Variants in PRKN observed in about 807,000 individuals in gnomAD.
The protein encoded by PRKN is parkin RBR E3 ubiquitin protein ligase.
Under a neutral mutation model 59.5 loss-of-function variants are expected in PRKN, and 56 were observed. The observed-to-expected ratio is 0.94, with a 90% CI of 0.76 to 1.18. The LOEUF (loss-of-function observed/expected upper bound fraction) is 1.18. PRKN is among the 50% of genes most tolerant of loss of function. The pLI, the probability that PRKN is intolerant of heterozygous loss-of-function variation, is 0.00. For missense variants in PRKN, 657 were observed against 596.4 expected (o/e 1.10, Z -1.06); for synonymous variants, 250 against 222.1 (o/e 1.13, Z -1.12).
In PRKN at chr6:161,582,364, G is replaced by A. The variant is rs973376364; in HGVS notation, c.872-12948C>T. Among the ~76,000 whole-genome samples the A allele has an allele frequency of 2.0e-5, 3 of 152,046 alleles. No individual in the cohort carries two copies. The highest frequency in any genetic ancestry group is 7.2e-5 in the African/African-American group (3 of 41,400). On this transcript the variant is annotated intron_variant, in intron 7 of 11. Transcript: ENST00000366898. The surrounding 1 kb of genome is among the most constrained non-coding windows in gnomAD (Gnocchi z 4.4). ...TCTTTGAAGATCTATACATTACAAT[G>A]TTGGGCGCAGCAGATATAATCTGAA...
At chr6:162,613,794 T>C (rs995603171) in intron 1 of PRKN, among the ~76,000 whole-genome samples, 1 of 152,090 alleles carries the variant, frequency 6.6e-6, no homozygotes, top group Admixed American at 6.5e-5. Context: ...TGACCAAGCA[T>C]GAAGATTTAA....
At chr6:162,264,974 T>A (rs1780064975) in intron 2 of PRKN, among the ~76,000 whole-genome samples, 1 of 152,116 alleles carries the variant, frequency 6.6e-6, no homozygotes, top group South Asian at 2.1e-4. Flanking sequence ...CCTCCCCGTT[T>A]TAGGCCTTCC....
At chr6:162,687,952 G>A (rs1777632578) in intron 1 of PRKN, among the ~76,000 whole-genome samples, 1 of 152,150 alleles carries the variant, frequency 6.6e-6, no homozygotes, top group African/African-American at 2.4e-5. Context: ...AACATTTTGA[G>A]GATCCTGTTG....
At chr6:162,450,364 G>GCCCCTGTGATTGTAATC (rs1304858657) in intron 1 of PRKN, among the ~76,000 whole-genome samples, 15 of 134,644 alleles carry the variant, frequency 1.1e-4, no homozygotes, top group African/African-American at 4.0e-4. Flanking sequence ...GAATGTAAAC[G>GCCCCTGTGATTGTAATC]CCCCTGTGAT....
At chr6:162,229,317 C>T (rs1228560114) in intron 3 of PRKN, among the ~76,000 whole-genome samples, 1 of 152,130 alleles carries the variant, frequency 6.6e-6, no homozygotes, top group African/African-American at 2.4e-5. Context: ...CCATCATATT[C>T]AGCTTCTAAT....
At chr6:162,697,729 A>G (rs1778019199) in intron 1 of PRKN, among the ~76,000 whole-genome samples, 1 of 152,226 alleles carries the variant, frequency 6.6e-6, no homozygotes, top group Admixed American at 6.5e-5. Context: ...ACATTTATGG[A>G]AACAATTTTT....
chr6:162,051,533 A>G (rs1777644298), intron 5 of PRKN, among the ~76,000 whole-genome samples: 1 of 152,138 alleles, frequency 6.6e-6, no homozygotes, highest in Non-Finnish European at 1.5e-5. Flanking sequence ...CCTGCCTGAG[A>G]GGCGAGCAGG....
intron 6 of PRKN, among the ~76,000 whole-genome samples, chr6:161,969,775 T>C (rs1477453163): frequency 6.6e-6 from 1 of 152,224 alleles, no homozygotes; most frequent in African/African-American, 2.4e-5. Flanking sequence ...TAATCCATAT[T>C]CATTTTGCCT....
At chr6:161,737,127 G>T (rs1483474799) in intron 7 of PRKN, among the ~76,000 whole-genome samples, 6 of 152,212 alleles carry the variant, frequency 3.9e-5, no homozygotes, top group Admixed American at 3.9e-4. Context: ...GAGCATACTG[G>T]AAATGGGAGA....
At chr6:161,505,957 C>T (rs1042486327) in intron 9 of PRKN, among the ~76,000 whole-genome samples, 17 of 151,796 alleles carry the variant, frequency 1.1e-4, no homozygotes, top group Admixed American at 3.3e-4. Context: ...AGTCAGGCAG[C>T]GTGATGCCTC....
At chr6:161,921,470 T>C (rs1269415501) in intron 6 of PRKN, among the ~76,000 whole-genome samples, 2 of 152,264 alleles carry the variant, frequency 1.3e-5, no homozygotes, top group Non-Finnish European at 2.9e-5. Flanking sequence ...TCAAGTATTA[T>C]GTACTGTACT....
Position 162,217,773 on chromosome 6 carries a change from C to T in PRKN, c.413-16521G>A, listed in dbSNP as rs180848223. On this transcript the variant is annotated intron_variant, in intron 3 of 11. Coordinates refer to ENST00000366898, the MANE Select transcript of PRKN (RefSeq NM_004562.3). ...TACTGAGAAGCACAATTCCTATTAG[C>T]GCAAGGGAGACAAAAACACTATCAT... is the stretch of plus-strand genomic sequence containing the variant. Among the ~76,000 whole-genome samples the T allele has an allele frequency of 3.6e-3, 549 of 152,260 alleles. 5 individuals carry two copies. Among genetic ancestry groups the T allele is most frequent in the Admixed American group, 7.1e-3 (108 of 15,288 alleles).
Position 162,070,899 on chromosome 6 carries a change from G to T in PRKN, c.535-16725C>A, listed in dbSNP as rs75143640. On this transcript the variant is annotated intron_variant, in intron 4 of 11. Transcript: ENST00000366898. ...CCACCCCTGCTGGCCCAGGGCTTGGGCACCGCTGCCCTAGGGCACAGTAGG... is the reference window on the plus strand; with the variant it reads ...CCACCCCTGCTGGCCCAGGGCTTGGTCACCGCTGCCCTAGGGCACAGTAGG... 8.0e-3 allele frequency among the ~76,000 whole-genome samples: 1,224 copies of T among 152,062 alleles called. 13 individuals carry two copies. The highest frequency in any genetic ancestry group is 0.028 in the African/African-American group (1,155 of 41,514).
intron 6 of PRKN, among the ~76,000 whole-genome samples, chr6:161,812,135 C>A (rs1482895243): frequency 1.3e-5 from 2 of 151,892 alleles, no homozygotes; most frequent in African/African-American, 4.8e-5. Flanking sequence ...ACCTACAATC[C>A]CAGTGCTTTG....
chr6:162,419,143 G>T (rs9458546), intron 2 of PRKN, among the ~76,000 whole-genome samples: 1 of 151,630 alleles, frequency 6.6e-6, no homozygotes, highest in South Asian at 2.1e-4. Context: ...TTATTGTCTT[G>T]GCTTGGATGT....
At chr6:161,830,263 T>TG (rs998201012) in intron 6 of PRKN, among the ~76,000 whole-genome samples, 32 of 151,794 alleles carry the variant, frequency 2.1e-4, no homozygotes, top group African/African-American at 7.5e-4. Context: ...TTTTGTTTTT[T>TG]TTTTTTGAGA....
chr6:162,270,518 C>T (rs1474928930), intron 2 of PRKN, among the ~76,000 whole-genome samples: 1 of 152,144 alleles, frequency 6.6e-6, no homozygotes, highest in African/African-American at 2.4e-5. Flanking sequence ...GGAAAAAAAT[C>T]ATTTCAGTGG....
chr6:162,526,137 C>A (rs1365364185), intron 1 of PRKN, among the ~76,000 whole-genome samples: 2 of 152,014 alleles, frequency 1.3e-5, no homozygotes, highest in Non-Finnish European at 2.9e-5. Context: ...GCCACTGCAC[C>A]CAGCCTTTTA....
chr6:161,704,349 G>GC (rs1422651219), intron 7 of PRKN, among the ~76,000 whole-genome samples: 1 of 152,094 alleles, frequency 6.6e-6, no homozygotes, highest in East Asian at 1.9e-4. Flanking sequence ...CATCCGCTCA[G>GC]CTAACTAACC....
Sources: gnomAD v4.1 joint callset for allele counts (sites outside exome capture counted in the v4.1 genomes callset) on GRCh38, gnomAD v4.1.1 for gene constraint, Gnocchi (gnomAD v3.1) non-coding constraint, MANE v1.5 for transcripts, NCBI Gene and HGNC (gene_info 2026-07-23, HGNC 2026-07-21) for gene names.